The following KSR2 variants were observed in gnomAD, a reference collection of about 807,000 sequenced individuals.
KSR2 encodes kinase suppressor of ras 2.
KSR2 carries 25 observed loss-of-function variants against 107.8 expected under a neutral mutation model. The ratio of observed to expected loss-of-function variants is 0.23; its 90% CI spans 0.17 to 0.32. KSR2 has a LOEUF of 0.32. KSR2 is among the 10% of genes least tolerant of loss of function. The pLI is 1.00. For synonymous variants in KSR2, 480 were observed against 507.0 expected, an observed-to-expected ratio of 0.95 and a Z score of 0.71; for missense variants, 887 against 1,268.9, an observed-to-expected ratio of 0.70 and a Z score of 4.57.
chr12:117,963,144 C>T (rs760677045), intron 1 of KSR2, among the ~76,000 whole-genome samples: 29 of 151,924 alleles, frequency 1.9e-4, no homozygotes, highest in Non-Finnish European at 3.5e-4. Flanking sequence ...GAGCCGAGAT[C>T]ACGCCACTGC....
At position 117,485,664 on chromosome 12, in the gene KSR2, G is replaced by A. The variant is rs373653489; in HGVS notation, c.2247C>T (p.Ser749=). 2.3e-4 allele frequency: 372 copies of A among 1,613,436 alleles called. 1 individual carries two copies. In the African/African-American group the frequency reaches 2.9e-3, roughly 13 times the overall value. Residue 749 remains serine, a synonymous_variant, in exon 15 of 20, where the codon TCC becomes TCT. Coordinates refer to ENST00000339824, the MANE Select transcript of KSR2 (RefSeq NM_173598.6). ...AAACGATTTTGGCATCCCTCACAAC[G>A]GAATAGAGCGTCCGTCCCTTACAGA... is the stretch of plus-strand genomic sequence containing the variant. ...TSLCKGRTLY[S]VVRDAKIVLD...
chr12:117,906,720 T>C (rs1354680017), intron 1 of KSR2, among the ~76,000 whole-genome samples: 2 of 152,108 alleles, frequency 1.3e-5, no homozygotes, highest in Non-Finnish European at 2.9e-5. Context: ...CAGTGTTCAG[T>C]GAGCATCAAA....
intron 5 of KSR2, among the ~76,000 whole-genome samples, chr12:117,604,709 T>C (rs938320312): frequency 6.6e-6 from 1 of 152,162 alleles, no homozygotes; most frequent in African/African-American, 2.4e-5. Flanking sequence ...ATATAATCTT[T>C]TATATAATAT....
intron 3 of KSR2, among the ~76,000 whole-genome samples, chr12:117,786,881 T>A (rs1044544603): frequency 1.3e-5 from 2 of 151,854 alleles, no homozygotes; most frequent in Non-Finnish European, 2.9e-5. Context: ...AATACAAAAT[T>A]GGCCAGGCGT....
At chr12:117,935,199 G>A (rs1240896343) in intron 1 of KSR2, among the ~76,000 whole-genome samples, 2 of 151,542 alleles carry the variant, frequency 1.3e-5, no homozygotes, top group East Asian at 1.9e-4. Context: ...GCAATGGCCC[G>A]ATCACAGCTC....
intron 1 of KSR2, among the ~76,000 whole-genome samples, chr12:117,876,906 C>G (rs1893872244): frequency 6.6e-6 from 1 of 151,924 alleles, no homozygotes; most frequent in South Asian, 2.1e-4. Context: ...CATGAGCTAT[C>G]TTGGGGATGG....
chr12:117,683,062 G>C (rs547969742), intron 4 of KSR2, among the ~76,000 whole-genome samples: 33 of 152,226 alleles, frequency 2.2e-4, no homozygotes, highest in African/African-American at 6.7e-4. Flanking sequence ...AGACAGGCAA[G>C]GGGCAGTTGG....
intron 3 of KSR2, among the ~76,000 whole-genome samples, chr12:117,762,944 G>A (rs1012911278): frequency 1.3e-5 from 2 of 151,858 alleles, no homozygotes; most frequent in African/African-American, 4.8e-5. Flanking sequence ...CAATGTGCAG[G>A]TTAGTTACAT....
chr12:117,690,763 AAAC>A (rs748645028), intron 4 of KSR2, among the ~76,000 whole-genome samples: 17 of 152,164 alleles, frequency 1.1e-4, no homozygotes, highest in South Asian at 4.1e-4. Context: ...GTGACCTTAA[AAAC>A]AACAACAACA....
intron 5 of KSR2, among the ~76,000 whole-genome samples, chr12:117,617,439 A>G (rs894516847): frequency 6.6e-6 from 1 of 152,154 alleles, no homozygotes; most frequent in African/African-American, 2.4e-5. Flanking sequence ...GTAATTCTCT[A>G]TCTAGTCATC....
At chr12:117,895,637 A>C (rs1400737598) in intron 1 of KSR2, among the ~76,000 whole-genome samples, 1 of 152,224 alleles carries the variant, frequency 6.6e-6, no homozygotes, top group Admixed American at 6.5e-5. Context: ...CACTGGGGGA[A>C]TATAATATTG....
chr12:117,686,359 C>G (rs1276046565), intron 4 of KSR2, among the ~76,000 whole-genome samples: 1 of 151,570 alleles, frequency 6.6e-6, no homozygotes, highest in African/African-American at 2.4e-5. Flanking sequence ...AGCCACCATG[C>G]CTGGCCTCAT....
chr12:117,825,410 T>C lies in KSR2; in HGVS notation c.472+30018A>G, dbSNP rs975144926. The stretch of plus-strand genomic sequence containing the variant: ...ATAGGTGCATGGGTCGGGGCATAAA[T>C]GTAGTGGTTCCAGCCATGGAGAACT... On this transcript the variant is annotated intron_variant, in intron 3 of 19. Coordinates refer to ENST00000339824, the MANE Select transcript of KSR2 (RefSeq NM_173598.6). Among the ~76,000 whole-genome samples, 17 of 152,178 alleles carry C rather than the reference T, an allele frequency of 1.1e-4. No individual in the cohort carries two copies. In the Middle Eastern group the frequency reaches 0.01, roughly 91 times the overall value.
At position 117,674,398 on chromosome 12, in the gene KSR2, T is replaced by C. The variant is rs192043570; in HGVS notation, c.987-6740A>G. ...AGAACGTAAAATTCACCATTTTAAA[T>C]TGAATAACTCTGTAGCATTAAGTTC... On this transcript the variant is annotated intron_variant, in intron 4 of 19. Transcript: ENST00000339824. The C allele has an allele frequency of 2.6e-4, 119 of 457,846 alleles. 1 individual carries two copies. The highest frequency in any genetic ancestry group is 5.4e-4 in the Admixed American group (23 of 42,628). The allele number at this position is 457,846 out of a possible 1,614,324, so 28.4% of individuals were successfully genotyped here.
chr12:117,920,728 A>T (rs1301636776), intron 1 of KSR2, among the ~76,000 whole-genome samples: 1 of 152,092 alleles, frequency 6.6e-6, no homozygotes, highest in African/African-American at 2.4e-5. Flanking sequence ...CTCTAAGTAA[A>T]CTCAGTGCCT....
intron 14 of KSR2, among the ~76,000 whole-genome samples, chr12:117,507,653 C>T (rs1348226252): frequency 1.3e-5 from 2 of 152,160 alleles, no homozygotes; most frequent in Non-Finnish European, 2.9e-5. Context: ...TGTGCTGAGG[C>T]TCTTATTCTG....
chr12:117,513,210 A>T (rs556617970), intron 14 of KSR2, among the ~76,000 whole-genome samples: 1 of 152,322 alleles, frequency 6.6e-6, no homozygotes, highest in South Asian at 2.1e-4. Context: ...GCCAGTCATT[A>T]TCAAGATTTA....
chr12:117,764,274 A>G (rs1566001965), intron 3 of KSR2, among the ~76,000 whole-genome samples: 1 of 151,968 alleles, frequency 6.6e-6, no homozygotes. Flanking sequence ...AAAATTCCAT[A>G]AGACCATATT....
intron 7 of KSR2, among the ~76,000 whole-genome samples, chr12:117,563,708 A>G (rs778931807): frequency 6.6e-6 from 1 of 152,120 alleles, no homozygotes; most frequent in African/African-American, 2.4e-5. Flanking sequence ...GGCTGGAAAC[A>G]TGGGCTGGCT....
Sources: allele counts gnomAD v4.1 joint callset (sites outside exome capture counted in the v4.1 genomes callset), GRCh38; gene constraint gnomAD v4.1.1; transcripts MANE v1.5; gene names NCBI Gene and HGNC (gene_info 2026-07-23, HGNC 2026-07-21).